Variants in PREX1 observed in about 807,000 individuals in gnomAD.
PREX1 encodes phosphatidylinositol-3,4,5-trisphosphate dependent Rac exchange factor 1, also known as phosphatidylinositol 3,4,5-trisphosphate-dependent Rac exchanger 1 protein.
Under a neutral mutation model 198.3 loss-of-function variants are expected in PREX1, and 41 were observed. That is an observed-to-expected ratio of 0.21 (90% CI 0.16 to 0.27). PREX1 has a LOEUF of 0.27. PREX1 is among the 10% of genes least tolerant of loss of function. The pLI is 1.00. For missense variants in PREX1, 1,620 were observed against 2,200.7 expected, an observed-to-expected ratio of 0.74 and a Z score of 5.28; for synonymous variants, 843 against 887.2, an observed-to-expected ratio of 0.95 and a Z score of 0.89.
chr20:48,725,455 G>T (rs1184813519), intron 5 of PREX1, among the ~76,000 whole-genome samples: 2 of 152,244 alleles, frequency 1.3e-5, no homozygotes, highest in Non-Finnish European at 2.9e-5. Context: ...CACAGAAGCA[G>T]CAAACCTTCC....
the PREX1 span, among the ~76,000 whole-genome samples, chr20:48,869,961 G>T: frequency 1.3e-5 from 2 of 152,148 alleles, no homozygotes; most frequent in African/African-American, 4.8e-5. Flanking sequence ...GTATACCTAT[G>T]TAACAAACCT....
the PREX1 span, among the ~76,000 whole-genome samples, chr20:48,884,225 G>A: frequency 2.0e-5 from 3 of 150,926 alleles, no homozygotes; most frequent in Non-Finnish European, 4.4e-5. Flanking sequence ...ACCCAGAACA[G>A]CCAAGACAAC....
the PREX1 span, among the ~76,000 whole-genome samples, chr20:48,843,956 G>A: frequency 6.6e-6 from 1 of 152,044 alleles, no homozygotes; most frequent in Non-Finnish European, 1.5e-5. Context: ...ACCAGCCTGG[G>A]CAACATATTA....
chr20:48,776,347 C>G (rs1173500420), intron 1 of PREX1, among the ~76,000 whole-genome samples: 1 of 152,204 alleles, frequency 6.6e-6, no homozygotes, highest in Non-Finnish European at 1.5e-5. Context: ...GGACCCCGCC[C>G]CCCTCAGACA....
intron 6 of PREX1, 93 bp downstream of exon 6, chr20:48,708,167 G>A: frequency 7.3e-7 from 1 of 1,361,840 alleles, no homozygotes; most frequent in Non-Finnish European, 1.0e-6. Context: ...ATACATTGCA[G>A]ACTGACAGGT....
At chr20:48,696,228 A>G (rs1267473287) in intron 7 of PREX1, among the ~76,000 whole-genome samples, 2 of 152,190 alleles carry the variant, frequency 1.3e-5, no homozygotes, top group African/African-American at 4.8e-5. Flanking sequence ...TTATTGTTCT[A>G]CCGTTTACAT....
chr20:48,632,236 T>C, intron 35 of PREX1, 41 bp downstream of exon 35: 1 of 1,595,820 alleles, frequency 6.3e-7, no homozygotes, highest in Non-Finnish European at 8.6e-7. Context: ...CACGTGGAGG[T>C]TTCCTGACTC....
chr20:48,811,294 C>G (rs79044887), intron 1 of PREX1, among the ~76,000 whole-genome samples: 16,463 of 152,106 alleles, frequency 0.11, 1,064 homozygotes, highest in Middle Eastern at 0.24. Context: ...GGATTACAGG[C>G]CTGAGCCACT....
intron 4 of PREX1, among the ~76,000 whole-genome samples, chr20:48,729,567 T>C (rs1017450464): frequency 1.3e-5 from 2 of 152,166 alleles, no homozygotes; most frequent in African/African-American, 4.8e-5. Context: ...CTGCACCCTC[T>C]TGGGAAAATG....
chr20:48,705,596 C>T (rs559051596), intron 6 of PREX1, among the ~76,000 whole-genome samples: 13 of 152,272 alleles, frequency 8.5e-5, no homozygotes, highest in African/African-American at 3.1e-4. Flanking sequence ...TGAACTACCC[C>T]CTAAGGCATG....
the PREX1 span, among the ~76,000 whole-genome samples, chr20:48,858,385 C>T: frequency 6.6e-6 from 1 of 152,258 alleles, no homozygotes; most frequent in Non-Finnish European, 1.5e-5. Context: ...TTCTCCTCGG[C>T]TTCTGCAGGT....
At chr20:48,636,935 C>T (rs1050852410) in intron 31 of PREX1, among the ~76,000 whole-genome samples, 2 of 152,172 alleles carry the variant, frequency 1.3e-5, no homozygotes, top group African/African-American at 4.8e-5. Context: ...GAAAACCAAA[C>T]AAACAAACAA....
intron 5 of PREX1, among the ~76,000 whole-genome samples, chr20:48,724,289 G>T (rs896034939): frequency 7.2e-5 from 11 of 152,178 alleles, no homozygotes; most frequent in African/African-American, 2.2e-4. Context: ...TCCAAGAGGG[G>T]GCTAATCACA....
chr20:48,766,708 T>C (rs985519173), intron 1 of PREX1, among the ~76,000 whole-genome samples: 3 of 152,180 alleles, frequency 2.0e-5, no homozygotes, highest in Admixed American at 6.5e-5. Flanking sequence ...TTAACCTTGA[T>C]TTATGTGATG....
intron 7 of PREX1, among the ~76,000 whole-genome samples, chr20:48,694,580 G>T (rs1209760128): frequency 6.6e-6 from 1 of 152,192 alleles, no homozygotes; most frequent in African/African-American, 2.4e-5. Context: ...GAGCTCAAAG[G>T]CCACTTGGTG....
At chr20:48,679,526 G>A in intron 12 of PREX1, 117 bp from the exon 13 acceptor site, 1 of 1,381,576 alleles carries the variant, frequency 7.2e-7, no homozygotes, top group South Asian at 1.2e-5. Flanking sequence ...AATGGGGGCA[G>A]GGGTGAGTTG....
In PREX1 at chr20:48,651,431, C is replaced by A; in HGVS notation, c.2620G>T (p.Val874Leu). 1 of 1,612,098 alleles carries A rather than the reference C, an allele frequency of 6.2e-7. No homozygotes were observed. The highest frequency in any genetic ancestry group is 8.5e-7 in the Non-Finnish European group (1 of 1,178,578). Residue 874 changes from valine (V) to leucine (L), a missense_variant, in exon 22 of 40, where the codon GTG becomes TTG. This residue lies in a region of PREX1 where 514 missense variants were observed against 611.6 expected (regional missense o/e 0.84). Coordinates refer to ENST00000371941, the MANE Select transcript of PREX1 (RefSeq NM_020820.4). ...AGGCCGAAGCAGCCGCGGGGCTCCA[C>A]GATCTTCTCCAGCACATGGCACCTG... The part of the protein sequence containing the change: ...GVRCHVLEKI[V>L]EPRGCFGLTA...
intron 6 of PREX1, among the ~76,000 whole-genome samples, chr20:48,705,121 C>G (rs1458841277): frequency 1.3e-5 from 2 of 152,232 alleles, no homozygotes; most frequent in African/African-American, 2.4e-5. Flanking sequence ...GCATCAACTC[C>G]CCCGTCCTCA....
intron 1 of PREX1, among the ~76,000 whole-genome samples, chr20:48,797,184 G>A (rs1176691558): frequency 6.6e-6 from 1 of 152,020 alleles, no homozygotes; most frequent in Non-Finnish European, 1.5e-5. Context: ...CTTTACCAGA[G>A]GGAGCTCTTT....
Sources: allele counts gnomAD v4.1 joint callset (sites outside exome capture counted in the v4.1 genomes callset), GRCh38; gene constraint gnomAD v4.1.1; regional missense constraint gnomAD v4.1.1; transcripts MANE v1.5; gene names NCBI Gene and HGNC (gene_info 2026-07-23, HGNC 2026-07-21).